ROBO1: variants seen among roughly 807,000 people sequenced by gnomAD.
ROBO1 encodes roundabout guidance receptor 1, also known as roundabout homolog 1.
Under a neutral mutation model 195.9 loss-of-function variants are expected in ROBO1, and 149 were observed. The observed-to-expected ratio is 0.76, with a 90% CI of 0.67 to 0.87. The LOEUF (loss-of-function observed/expected upper bound fraction) is 0.87, where lower values mean the gene tolerates loss of function less well. Ranked by LOEUF, ROBO1 falls within the 40% of genes least tolerant of loss-of-function variation. ROBO1 has a pLI of 0.00. For synonymous variants in ROBO1, 816 were observed against 733.2 expected, an observed-to-expected ratio of 1.11 and a Z score of -1.82; for missense variants, 1,933 against 2,068.3, an observed-to-expected ratio of 0.93 and a Z score of 1.27.
intron 3 of ROBO1, among the ~76,000 whole-genome samples, chr3:79,020,117 T>C (rs1443175242): frequency 2.6e-5 from 4 of 152,282 alleles, no homozygotes; most frequent in South Asian, 4.1e-4. Flanking sequence ...AATGGGGATG[T>C]AATTTTAAGA....
intron 4 of ROBO1, among the ~76,000 whole-genome samples, chr3:78,873,038 T>G (rs2035638170): frequency 6.6e-6 from 1 of 152,192 alleles, no homozygotes; most frequent in Non-Finnish European, 1.5e-5. Context: ...ACTTACCTGA[T>G]AATGTTCTTT....
intron 1 of ROBO1, among the ~76,000 whole-genome samples, chr3:79,692,171 A>C (rs1477675703): frequency 6.6e-6 from 1 of 151,904 alleles, no homozygotes; most frequent in Non-Finnish European, 1.5e-5. Context: ...GAGAAGGTGG[A>C]ATGTTTAGAA....
intron 2 of ROBO1, among the ~76,000 whole-genome samples, chr3:79,456,925 G>A (rs2039636166): frequency 6.6e-6 from 1 of 152,018 alleles, no homozygotes; most frequent in Admixed American, 6.6e-5. Context: ...TGCTATTTGT[G>A]CATCTTTCTT....
At chr3:79,566,245 T>C (rs576848945) in intron 2 of ROBO1, among the ~76,000 whole-genome samples, 65 of 152,284 alleles carry the variant, frequency 4.3e-4, no homozygotes, top group African/African-American at 1.4e-3. Context: ...ATCATATTGT[T>C]GCCAACTAAA....
intron 4 of ROBO1, among the ~76,000 whole-genome samples, chr3:78,829,817 T>C (rs1006929090): frequency 2.6e-5 from 4 of 152,118 alleles, no homozygotes; most frequent in Non-Finnish European, 5.9e-5. Flanking sequence ...TATGGGTAAA[T>C]AAGGACCAGG....
chr3:79,739,744 A>G (rs1703544413), intron 1 of ROBO1, among the ~76,000 whole-genome samples: 1 of 152,186 alleles, frequency 6.6e-6, no homozygotes, highest in Admixed American at 6.6e-5. Context: ...GCCACTCTTC[A>G]AAGCACTGGA....
chr3:78,634,416 G>T, intron 23 of ROBO1: 1 of 239,834 alleles, frequency 4.2e-6, no homozygotes, highest in South Asian at 4.3e-5. Context: ...CCCCAGAAAT[G>T]CTTCTGCTTA....
At chr3:79,307,057 C>A (rs932226002) in intron 2 of ROBO1, among the ~76,000 whole-genome samples, 8 of 148,498 alleles carry the variant, frequency 5.4e-5, no homozygotes, top group African/African-American at 2.0e-4. Context: ...GTTCTTAGTT[C>A]TTCAGGAAAA....
chr3:79,357,945 T>C (rs2035621860), intron 2 of ROBO1, among the ~76,000 whole-genome samples: 1 of 152,132 alleles, frequency 6.6e-6, no homozygotes, highest in Non-Finnish European at 1.5e-5. Flanking sequence ...GGGGATAGCA[T>C]TTTACATACC....
intron 4 of ROBO1, among the ~76,000 whole-genome samples, chr3:78,907,285 A>C (rs1180314408): frequency 6.6e-6 from 1 of 152,112 alleles, no homozygotes; most frequent in Non-Finnish European, 1.5e-5. Context: ...AATCACAAAA[A>C]AACAAAACAA....
chr3:79,703,235 G>T (rs1456885628), intron 1 of ROBO1, among the ~76,000 whole-genome samples: 1 of 151,608 alleles, frequency 6.6e-6, no homozygotes, highest in Non-Finnish European at 1.5e-5. Context: ...GTCTTAAAAT[G>T]TATTATTTCT....
At chr3:78,669,572 T>C in intron 11 of ROBO1, among the ~76,000 whole-genome samples, 1 of 152,222 alleles carries the variant, frequency 6.6e-6, no homozygotes, top group East Asian at 1.9e-4. Context: ...AATCCTTAAA[T>C]GGTTCCTACA....
At position 78,651,914 on chromosome 3, in the gene ROBO1, G is replaced by C. The variant is rs751195237; in HGVS notation, c.2630C>G (p.Pro877Arg). 7.4e-6 allele frequency: 12 copies of C among 1,612,288 alleles called. No homozygotes were observed. Among genetic ancestry groups the C allele is most frequent in the Non-Finnish European group, 1.0e-5 (12 of 1,179,184 alleles). ...QFIQLDAHGN[P>R]VSPEDQVSLA... ...GCTGACTTGGTCCTCAGGTGACACA[G>C]GGTTTCCATGGGCATCTGAAAAGTC... The change falls in exon 19 of 31, where the codon CCT (proline) becomes CGT (arginine). Residue 877 changes from proline (P) to arginine (R), a missense_variant. Around this residue, in one of 3 missense-constraint regions of ROBO1, gnomAD observed 1,737 missense variants for 1,882.5 expected, o/e 0.92. Coordinates refer to ENST00000464233, the MANE Select transcript of ROBO1 (RefSeq NM_002941.4).
chr3:78,946,976 T>A (rs1294464160), intron 3 of ROBO1, among the ~76,000 whole-genome samples: 1 of 152,088 alleles, frequency 6.6e-6, no homozygotes, highest in Non-Finnish European at 1.5e-5. Flanking sequence ...GAGCTAACTA[T>A]CTTAAATATA....
At chr3:78,771,945 T>A (rs2083386660) in intron 4 of ROBO1, among the ~76,000 whole-genome samples, 1 of 152,126 alleles carries the variant, frequency 6.6e-6, no homozygotes, top group African/African-American at 2.4e-5. Flanking sequence ...AAGTGAGAAT[T>A]TCACATTGCT....
intron 2 of ROBO1, among the ~76,000 whole-genome samples, chr3:79,381,903 C>T (rs2036587529): frequency 6.6e-6 from 1 of 152,012 alleles, no homozygotes; most frequent in South Asian, 2.1e-4. Context: ...TTAATATTTT[C>T]TCCAAATACT....
intron 3 of ROBO1, among the ~76,000 whole-genome samples, chr3:78,944,411 C>A (rs915502868): frequency 5.3e-5 from 8 of 152,246 alleles, no homozygotes; most frequent in Non-Finnish European, 1.2e-4. Flanking sequence ...AGGCAGCCAT[C>A]TATAAGCCAG....
At chr3:79,471,981 T>C (rs1163046533) in intron 2 of ROBO1, among the ~76,000 whole-genome samples, 1 of 152,062 alleles carries the variant, frequency 6.6e-6, no homozygotes, top group Non-Finnish European at 1.5e-5. Context: ...AAATACCTAA[T>C]GTAGATGACG....
Position 79,119,661 on chromosome 3 carries a change from A to G in ROBO1, c.172+5795T>C, listed in dbSNP as rs971968313. ...GATGGTTTAATTTATCTTCATTTTA[A>G]GAAATGTTTATTAATTTCCTGTTAT... On this transcript the variant is annotated intron_variant, in intron 3 of 30. Coordinates refer to ENST00000464233, the MANE Select transcript of ROBO1 (RefSeq NM_002941.4). 2.0e-5 allele frequency among the ~76,000 whole-genome samples: 3 copies of G among 152,340 alleles called. No homozygotes were observed. In the East Asian group the frequency reaches 5.8e-4, roughly 29 times the overall value.
Sources: allele counts gnomAD v4.1 joint callset (sites outside exome capture counted in the v4.1 genomes callset), GRCh38; gene constraint gnomAD v4.1.1; regional missense constraint gnomAD v4.1.1; transcripts MANE v1.5; gene names NCBI Gene and HGNC (gene_info 2026-07-23, HGNC 2026-07-21).